KIF20B: variants seen among roughly 807,000 people sequenced by gnomAD.
KIF20B encodes kinesin-like protein KIF20B.
In KIF20B, 188 loss-of-function variants were observed where a neutral mutation model predicts 232.5. The ratio of observed to expected loss-of-function variants is 0.81; its 90% CI spans 0.72 to 0.91. The LOEUF (loss-of-function observed/expected upper bound fraction) is 0.91. Ranked by LOEUF, KIF20B falls within the 40% of genes least tolerant of loss-of-function variation. The pLI is 0.00. For missense variants in KIF20B, 2,154 were observed against 2,055.9 expected, an observed-to-expected ratio of 1.05 and a Z score of -0.92; for synonymous variants, 712 against 683.0, an observed-to-expected ratio of 1.04 and a Z score of -0.66.
At chr10:89,730,640 C>T (rs1481229165) in intron 18 of KIF20B, among the ~76,000 whole-genome samples, 1 of 152,002 alleles carries the variant, frequency 6.6e-6, no homozygotes, top group African/African-American at 2.4e-5. Context: ...TGCACAAAGT[C>T]ATGGAAATGA....
At position 89,737,409 on chromosome 10, in the gene KIF20B, T is replaced by C; in HGVS notation, c.2568T>C (p.Ala856=). The part of the protein sequence containing the change: ...AKKGSIHVSS[A]ITEDQKKSEE... ...AAGGGTCTATCCATGTTAGTTCAGCTATCACTGAAGACCAAAAGAAAAGTG... is the reference window on the plus strand; with the variant it reads ...AAGGGTCTATCCATGTTAGTTCAGCCATCACTGAAGACCAAAAGAAAAGTG... Residue 856 remains alanine (A), a synonymous_variant, in exon 20 of 33, where the codon GCT becomes GCC. Transcript: ENST00000371728. 6.3e-7 allele frequency: 1 copy of C among 1,580,454 alleles called. No individual in the cohort carries two copies. The highest frequency in any genetic ancestry group is 1.2e-5 in the South Asian group (1 of 84,098).
chr10:89,725,312 G>GT (rs1267846616), intron 15 of KIF20B, among the ~76,000 whole-genome samples, 154 bp downstream of exon 15: 1 of 152,006 alleles, frequency 6.6e-6, no homozygotes, highest in Non-Finnish European at 1.5e-5. Flanking sequence ...TTTTAGAAGT[G>GT]TAAGGCACCA....
intron 27 of KIF20B, 100 bp from the exon 28 acceptor site, chr10:89,760,426 A>T: frequency 1.4e-6 from 1 of 713,222 alleles, no homozygotes; most frequent in Non-Finnish European, 2.4e-6. Flanking sequence ...TCCATTGTTT[A>T]GTTTCATACA....
In KIF20B at chr10:89,752,701, T is replaced by C. The variant is rs752070444; in HGVS notation, c.4347+10T>C. ...TCAAGATGAGTTACAGGTATGACTT[T>C]ATGTATGTTTTTATGTATGAATGTA... On this transcript the variant is annotated intron_variant, in intron 25 of 32. Transcript: ENST00000371728. 4 of 1,522,948 alleles carry C rather than the reference T, an allele frequency of 2.6e-6. No individual in the cohort carries two copies. Among genetic ancestry groups the C allele is most frequent in the East Asian group, 4.9e-5 (2 of 40,620 alleles). 94.3% of individuals were successfully genotyped at this position (1,522,948 alleles called of 1,614,324 possible). A position where few individuals can be genotyped will look rare whatever the true frequency, so the allele number is the denominator to read the frequency against.
chr10:89,728,613 C>A (rs1487996804), intron 17 of KIF20B, among the ~76,000 whole-genome samples: 2 of 152,066 alleles, frequency 1.3e-5, no homozygotes, highest in African/African-American at 4.8e-5. Context: ...TCAAGTGATT[C>A]TCCTGCCTCA....
intron 19 of KIF20B, among the ~76,000 whole-genome samples, chr10:89,734,150 C>G (rs765877668): frequency 6.6e-6 from 1 of 152,082 alleles, no homozygotes; most frequent in Non-Finnish European, 1.5e-5. Flanking sequence ...TGGCTCATGC[C>G]TGTAATCCTA....
chr10:89,770,720 G>C (rs1158034822), intron 31 of KIF20B, among the ~76,000 whole-genome samples: 1 of 151,662 alleles, frequency 6.6e-6, no homozygotes, highest in Non-Finnish European at 1.5e-5. Flanking sequence ...GAAATATAGA[G>C]AGAAAAGAAA....
chr10:89,715,993 A>G (rs1019972383), intron 8 of KIF20B, among the ~76,000 whole-genome samples: 3 of 104,676 alleles, frequency 2.9e-5, no homozygotes, highest in Non-Finnish European at 4.0e-5. Context: ...CTTGTCTCCA[A>G]AATAAATAAA....
In KIF20B at chr10:89,715,431, G is replaced by A. The variant is rs542594911; in HGVS notation, c.940+249G>A. Among the ~76,000 whole-genome samples, 83 of 146,402 alleles carry A rather than the reference G, an allele frequency of 5.7e-4. 1 individual carries two copies. The highest frequency in any genetic ancestry group is 9.2e-4 in the Non-Finnish European group (62 of 67,272). On this transcript the variant is annotated intron_variant, in intron 8 of 32. Coordinates refer to ENST00000371728, the MANE Select transcript of KIF20B (RefSeq NM_001284259.2). ...TGGATTTGTGGTGATGGGAAAAGCT[G>A]TGTATGGTTATGTTCACGTTATTCT... is the stretch of plus-strand genomic sequence containing the variant.
In KIF20B at chr10:89,772,774, C is replaced by T; in HGVS notation, c.5328C>T (p.Ala1776=). 6.2e-7 allele frequency: 1 copy of T among 1,610,704 alleles called. No homozygotes were observed. Among genetic ancestry groups the T allele is most frequent in the Non-Finnish European group, 8.5e-7 (1 of 1,178,026 alleles). Residue 1776 remains alanine (A), a synonymous_variant, in exon 32 of 33, where the codon GCC becomes GCT. Coordinates refer to ENST00000371728, the MANE Select transcript of KIF20B (RefSeq NM_001284259.2). ...AAAATGTGTCTCAACCAAAACGAGCCAAACGGAAATTATACACAAGTGAAA... is the reference window on the plus strand; with the variant it reads ...AAAATGTGTCTCAACCAAAACGAGCTAAACGGAAATTATACACAAGTGAAA... ...SKENVSQPKR[A]KRKLYTSEIS...
At chr10:89,723,420 TG>T (rs1843110198) in intron 13 of KIF20B, among the ~76,000 whole-genome samples, 1 of 152,270 alleles carries the variant, frequency 6.6e-6, no homozygotes, top group Non-Finnish European at 1.5e-5. Flanking sequence ...TGTTGACATC[TG>T]GATAGTTATA....
chr10:89,738,534 G>A lies in KIF20B; in HGVS notation c.3693G>A (p.Gln1231=), dbSNP rs2133128966. The change falls in exon 20 of 33, where the codon CAG becomes CAA. Residue 1231 remains glutamine, a synonymous_variant. Coordinates refer to ENST00000371728, the MANE Select transcript of KIF20B (RefSeq NM_001284259.2). ...TCAAGCTGAAAGAAGAAATCACACA[G>A]TTAACAAATAATTTGCAAGATATGA... ...KELKLKEEIT[Q]LTNNLQDMKH... The A allele has an allele frequency of 6.3e-7, 1 of 1,595,222 alleles. No homozygotes were observed. The highest frequency in any genetic ancestry group is 8.5e-7 in the Non-Finnish European group (1 of 1,173,194).
chr10:89,713,734 A>G (rs1481337337), intron 6 of KIF20B, among the ~76,000 whole-genome samples: 1 of 152,208 alleles, frequency 6.6e-6, no homozygotes, highest in East Asian at 1.9e-4. Context: ...AATGTTGTAA[A>G]CAATTTTTAA....
intron 2 of KIF20B, among the ~76,000 whole-genome samples, chr10:89,707,618 C>T (rs1287207098): frequency 1.3e-5 from 2 of 150,490 alleles, no homozygotes; most frequent in East Asian, 1.9e-4. Flanking sequence ...TTTTTCTTTC[C>T]CTTACCCCTC....
In KIF20B at chr10:89,718,857, CG is replaced by C; in HGVS notation, c.1420del (p.Ala474ProfsTer12). The C allele has an allele frequency of 6.5e-7, 1 of 1,543,024 alleles. No individual in the cohort carries two copies. Among genetic ancestry groups the C allele is most frequent in the South Asian group, 1.3e-5 (1 of 79,228 alleles). ...DETLNVLKFS[A>X]IAQKVCVPDT... The stretch of plus-strand genomic sequence containing the variant: ...AAACACTCAATGTATTGAAGTTCTC[CG>C]CCATTGCACAAAAAGTAAATATTTA... On this transcript the variant is annotated frameshift_variant, in exon 12 of 33. Coordinates refer to ENST00000371728, the MANE Select transcript of KIF20B (RefSeq NM_001284259.2). LOFTEE classifies it high-confidence loss of function.
chr10:89,715,118 T>C lies in KIF20B; in HGVS notation c.876T>C (p.Ser292=), dbSNP rs1842911736. ...ATGACTTATTTGTTCCTGTATCATC[T>C]AAATTCCAAAAGAGAAAGATGCTGC... The part of the protein sequence containing the change: ...YIYDLFVPVS[S]KFQKRKMLRL... The change falls in exon 8 of 33, where the codon TCT becomes TCC. Residue 292 remains serine (S), a synonymous_variant. Coordinates refer to ENST00000371728, the MANE Select transcript of KIF20B (RefSeq NM_001284259.2). 2 of 1,608,948 alleles carry C rather than the reference T, an allele frequency of 1.2e-6. No individual in the cohort carries two copies. The highest frequency in any genetic ancestry group is 1.7e-5 in the Admixed American group (1 of 59,398).
At chr10:89,743,046 G>A (rs7909550) in intron 21 of KIF20B, among the ~76,000 whole-genome samples, 46,948 of 151,762 alleles carry the variant, frequency 0.31, 8,164 homozygotes, top group African/African-American at 0.46. Context: ...ATTTCCTTCC[G>A]TTTTTGAGCT....
At chr10:89,768,933 G>T in intron 31 of KIF20B, 45 bp downstream of exon 31, 1 of 1,488,064 alleles carries the variant, frequency 6.7e-7, no homozygotes, top group Non-Finnish European at 9.1e-7. Flanking sequence ...TTAGATGTTG[G>T]GTATATTTTA....
chr10:89,758,386 A>G (rs1049338318), intron 26 of KIF20B, among the ~76,000 whole-genome samples: 4 of 151,794 alleles, frequency 2.6e-5, no homozygotes, highest in Non-Finnish European at 5.9e-5. Flanking sequence ...TATTACTGTA[A>G]TTTTACCCAC....
Sources: allele counts gnomAD v4.1 joint callset (sites outside exome capture counted in the v4.1 genomes callset), GRCh38; gene constraint gnomAD v4.1.1; transcripts MANE v1.5; gene names NCBI Gene and HGNC (gene_info 2026-07-23, HGNC 2026-07-21).